The following CBARP variants were observed in gnomAD, a reference collection of about 807,000 sequenced individuals.
CBARP encodes the protein voltage-dependent calcium channel beta subunit-associated regulatory protein.
A neutral mutation model predicts 36.3 loss-of-function variants in CBARP; 24 were observed. The observed-to-expected ratio is 0.66, with a 90% CI of 0.48 to 0.93. CBARP has a LOEUF of 0.93. Ranked by LOEUF, CBARP falls within the 40% of genes least tolerant of loss-of-function variation. The pLI is 0.00. For synonymous variants in CBARP, 586 were observed against 453.2 expected (o/e 1.29, Z -3.72); for missense variants, 1,146 against 980.4 (o/e 1.17, Z -2.26).
At chr19:1,233,779 G>T in intron 7 of CBARP, 143 bp from the exon 8 acceptor site, 1 of 825,118 alleles carries the variant, frequency 1.2e-6, no homozygotes, top group Non-Finnish European at 1.9e-6. Flanking sequence ...GAGAGGGGCA[G>T]AAGCGGGAGG....
intron 8 of CBARP, among the ~76,000 whole-genome samples, 188 bp from the exon 9 acceptor site, chr19:1,231,463 C>A (rs1296927447): frequency 8.7e-6 from 1 of 115,090 alleles, no homozygotes; most frequent in African/African-American, 3.3e-5. Context: ...CCTGGGCCCC[C>A]CCCACACACA....
At chr19:1,236,798 T>C (rs1471860164) in intron 1 of CBARP, among the ~76,000 whole-genome samples, 1 of 98,864 alleles carries the variant, frequency 1.0e-5, no homozygotes, top group Non-Finnish European at 2.0e-5. Context: ...AGGCCGCGGC[T>C]GGGGGGGCGG....
At position 1,228,416 on chromosome 19, in the gene CBARP, G is replaced by A. The variant is rs948625531; in HGVS notation, c.*763C>T. Reference sequence around the variant, plus strand: ...CCGCCCAAATTTGGCAATAAATAAAGCTTGGGAAGCTTGGACCTGGCCGTC... The same window carrying A: ...CCGCCCAAATTTGGCAATAAATAAAACTTGGGAAGCTTGGACCTGGCCGTC... On this transcript the variant is annotated 3_prime_UTR_variant, in exon 10 of 10. Transcript: ENST00000650044. 8 of 211,340 alleles carry A rather than the reference G, an allele frequency of 3.8e-5. No individual in the cohort carries two copies. Among genetic ancestry groups the A allele is most frequent in the African/African-American group, 6.8e-5 (3 of 44,020 alleles). 13.1% of individuals were successfully genotyped at this position (211,340 alleles called of 1,614,324 possible).
chr19:1,236,800 G>T (rs976934955), intron 1 of CBARP, among the ~76,000 whole-genome samples: 4 of 149,328 alleles, frequency 2.7e-5, no homozygotes, highest in Admixed American at 1.3e-4. Flanking sequence ...GCCGCGGCTG[G>T]GGGGGCGGGT....
Position 1,235,878 on chromosome 19 carries a change from A to G in CBARP, c.146T>C (p.Val49Ala), listed in dbSNP as rs778613925. The change falls in exon 3 of 10, where the codon GTG becomes GCG. Residue 49 changes from valine (V) to alanine (A), a missense_variant. Transcript: ENST00000650044. The part of the protein sequence containing the change: ...DPILDNYVLL[V>A]VVMSLFVGGT... The stretch of plus-strand genomic sequence containing the variant: ...CCCCACGAACAGCGACATCACCACC[A>G]CCAGCAGCACGTAGTTGTCCAGGAT... The G allele has an allele frequency of 6.8e-6, 11 of 1,612,178 alleles. No homozygotes were observed. Among genetic ancestry groups the G allele is most frequent in the African/African-American group, 2.7e-5 (2 of 74,994 alleles).
intron 8 of CBARP, among the ~76,000 whole-genome samples, chr19:1,232,033 A>G (rs1290053685): frequency 1.3e-5 from 2 of 152,130 alleles, no homozygotes; most frequent in South Asian, 2.1e-4. Context: ...GAGGAGAGGG[A>G]GAGAGGTGCC....
In CBARP at chr19:1,233,495, T is replaced by C. The variant is rs1229597662; in HGVS notation, c.910A>G (p.Ser304Gly). 1 of 1,606,818 alleles carries C rather than the reference T, an allele frequency of 6.2e-7. No homozygotes were observed. Among genetic ancestry groups the C allele is most frequent in the African/African-American group, 1.3e-5 (1 of 74,866 alleles). The change falls in exon 8 of 10, where the codon AGC (serine) becomes GGC (glycine). Residue 304 changes from serine to glycine, a missense_variant. Transcript: ENST00000650044. ...CACTTCTTGACCTTGAAATAGGGGCTGGCCCCATCCAGGCTGGCATGGCGG... is the reference window on the plus strand; with the variant it reads ...CACTTCTTGACCTTGAAATAGGGGCCGGCCCCATCCAGGCTGGCATGGCGG... ...LRRHASLDGA[S>G]PYFKVKKWKL...
chr19:1,231,578 G>A (rs1453795776), intron 8 of CBARP, among the ~76,000 whole-genome samples: 1 of 55,580 alleles, frequency 1.8e-5, no homozygotes, highest in South Asian at 7.2e-4. Context: ...CCCACAGAAC[G>A]CCTGTGCACC....
In CBARP at chr19:1,235,925, G is replaced by C; in HGVS notation, c.106-7C>G. 1 of 1,608,036 alleles carries C rather than the reference G, an allele frequency of 6.2e-7. No homozygotes were observed. The highest frequency in any genetic ancestry group is 1.3e-5 in the African/African-American group (1 of 74,976). On this transcript the variant is annotated splice_region_variant and splice_polypyrimidine_tract_variant and intron_variant, in intron 2 of 9. Transcript: ENST00000650044. Reference sequence around the variant, plus strand: ...GGATGGGGTCTGGCTCTGCCTGCGGGTGTGCAGGGGGGGTCAGGTGCTGCT... The same window carrying C: ...GGATGGGGTCTGGCTCTGCCTGCGGCTGTGCAGGGGGGGTCAGGTGCTGCT...
rs952493113 is a variant in CBARP, at chr19:1,230,699, G to T, written c.1154+402C>A. The T allele has an allele frequency of 2.4e-5, 31 of 1,282,148 alleles. No individual in the cohort carries two copies. The East Asian group carries it at 9.3e-4, about 39-fold the overall frequency. 79.4% of individuals were successfully genotyped at this position (1,282,148 alleles called of 1,614,324 possible). The stretch of plus-strand genomic sequence containing the variant: ...CAGGGAAGTTGCCCTTGGGTTGGGG[G>T]AGGGGTGCTGCTGGCCGGAGTGGTC... On this transcript the variant is annotated intron_variant, in intron 9 of 9. Coordinates refer to ENST00000650044, the MANE Select transcript of CBARP (RefSeq NM_001393918.1).
At position 1,236,060 on chromosome 19, in the gene CBARP, G is replaced by A; in HGVS notation, c.41C>T (p.Thr14Ile). The change falls in exon 2 of 10, where the codon ACC becomes ATC. Residue 14 changes from threonine to isoleucine, a missense_variant. Physicochemically the swap from Thr to Ile is moderately conservative, Grantham distance 89. Transcript: ENST00000650044. ...GGCTACTGTGGCAGTGGTGGTGGTG[G>A]TGGTGGTGGCGGCTGTGGCCATGGT... The part of the protein sequence containing the change: ...TATMATAATT[T>I]TTTTATVALT... 1 of 1,520,616 alleles carries A rather than the reference G, an allele frequency of 6.6e-7. No individual in the cohort carries two copies. Among genetic ancestry groups the A allele is most frequent in the Non-Finnish European group, 8.8e-7 (1 of 1,137,858 alleles). The allele number at this position is 1,520,616 out of a possible 1,614,324, so 94.2% of individuals were successfully genotyped here.
chr19:1,231,412 C>T, intron 8 of CBARP, 137 bp from the exon 9 acceptor site: 3 of 1,306,506 alleles, frequency 2.3e-6, no homozygotes, highest in Non-Finnish European at 3.0e-6. Flanking sequence ...CTGTGGACCC[C>T]CACCACACAC....
At position 1,235,231 on chromosome 19, in the gene CBARP, C is replaced by T. The variant is rs953494387; in HGVS notation, c.311-86G>A. 60 of 1,346,486 alleles carry T rather than the reference C, an allele frequency of 4.5e-5. No homozygotes were observed. In the African/African-American group the frequency reaches 6.7e-4, roughly 15 times the overall value. 83.4% of individuals were successfully genotyped at this position (1,346,486 alleles called of 1,614,324 possible). ...GGAGGGCTGCTCCTCCGGGCGGCCACGGCAGGGAGGGCTGGGGCCGCGGCA... is the reference window on the plus strand; with the variant it reads ...GGAGGGCTGCTCCTCCGGGCGGCCATGGCAGGGAGGGCTGGGGCCGCGGCA... On this transcript the variant is annotated intron_variant, in intron 4 of 9. Transcript: ENST00000650044.
chr19:1,229,152 C>T lies in CBARP; in HGVS notation c.*27G>A. ...CCCCGTGCGGCGCCGGAGAAGCTGC[C>T]AGAGAGATGGGCCCAGGACGCGGGA... On this transcript the variant is annotated 3_prime_UTR_variant, in exon 10 of 10. Coordinates refer to ENST00000650044, the MANE Select transcript of CBARP (RefSeq NM_001393918.1). The surrounding 1 kb of genome is among the most constrained non-coding windows in gnomAD (Gnocchi z 5.1). 1.0e-6 allele frequency: 1 copy of T among 992,652 alleles called. No homozygotes were observed. The highest frequency in any genetic ancestry group is 2.4e-5 in the South Asian group (1 of 41,556). 61.5% of individuals were successfully genotyped at this position (992,652 alleles called of 1,614,324 possible).
At position 1,231,386 on chromosome 19, in the gene CBARP, C is replaced by T. The variant is rs1402217707; in HGVS notation, c.980-111G>A. 4.5e-5 allele frequency: 64 copies of T among 1,407,972 alleles called. 1 individual carries two copies. In the Admixed American group the frequency reaches 1.4e-3, roughly 32 times the overall value. The allele number at this position is 1,407,972 out of a possible 1,614,324, so 87.2% of individuals were successfully genotyped here. A position where few individuals can be genotyped will look rare whatever the true frequency, so the allele number is the denominator to read the frequency against. ...ACACACACACAATGCCTGTGCCCCC[C>T]CGCCACACACAACGCCTGTGGACCC... On this transcript the variant is annotated intron_variant, in intron 8 of 9. Coordinates refer to ENST00000650044, the MANE Select transcript of CBARP (RefSeq NM_001393918.1).
In CBARP at chr19:1,233,481, C is replaced by G; in HGVS notation, c.924G>C (p.Lys308Asn). The change falls in exon 8 of 10, where the codon AAG becomes AAC. Residue 308 changes from lysine to asparagine, a missense_variant. Physicochemically the swap from Lys to Asn is moderately conservative, Grantham distance 94 (BLOSUM62 0). Transcript: ENST00000650044. ...ASLDGASPYF[K>N]VKKWKLEPSQ... ...TGGGCTCCAGCTTCCACTTCTTGACCTTGAAATAGGGGCTGGCCCCATCCA... is the reference window on the plus strand; with the variant it reads ...TGGGCTCCAGCTTCCACTTCTTGACGTTGAAATAGGGGCTGGCCCCATCCA... 1 of 1,605,272 alleles carries G rather than the reference C, an allele frequency of 6.2e-7. No individual in the cohort carries two copies. The highest frequency in any genetic ancestry group is 8.5e-7 in the Non-Finnish European group (1 of 1,176,592).
At position 1,229,555 on chromosome 19, in the gene CBARP, C is replaced by A; in HGVS notation, c.1742G>T (p.Trp581Leu). Residue 581 changes from tryptophan to leucine, a missense_variant, in exon 10 of 10, where the codon TGG becomes TTG. Coordinates refer to ENST00000650044, the MANE Select transcript of CBARP (RefSeq NM_001393918.1). This position sits in a 1 kb window ranked among gnomAD's most constrained non-coding sequence, Gnocchi z 5.1. ...ARAHPHARKQWQRGRQHSDPG... is the reference protein window; with the variant it reads ...ARAHPHARKQLQRGRQHSDPG... ...GTCGCTGTGCTGCCGGCCACGCTGC[C>A]ACTGTTTGCGGGCGTGCGGGTGCGC... 2 of 1,021,700 alleles carry A rather than the reference C, an allele frequency of 2.0e-6. No homozygotes were observed. Among genetic ancestry groups the A allele is most frequent in the Non-Finnish European group, 2.4e-6 (2 of 847,282 alleles). The allele number at this position is 1,021,700 out of a possible 1,614,324, so 63.3% of individuals were successfully genotyped here.
At chr19:1,231,073 C>G (rs1474881039) in intron 9 of CBARP, 28 bp downstream of exon 9, 1 of 1,587,872 alleles carries the variant, frequency 6.3e-7, no homozygotes, top group Non-Finnish European at 8.6e-7. Context: ...CAGGTCCACC[C>G]CTAGCACCTC....
At chr19:1,232,088 G>T (rs150353978) in intron 8 of CBARP, among the ~76,000 whole-genome samples, 1 of 152,190 alleles carries the variant, frequency 6.6e-6, no homozygotes, top group Non-Finnish European at 1.5e-5. Context: ...CTGGGGGACT[G>T]CCCCACCCCT....
Sources: allele counts gnomAD v4.1 joint callset (sites outside exome capture counted in the v4.1 genomes callset), GRCh38; gene constraint gnomAD v4.1.1; non-coding constraint Gnocchi (gnomAD v3.1); transcripts MANE v1.5; gene names NCBI Gene and HGNC (gene_info 2026-07-23, HGNC 2026-07-21).